The following CEP112 variants were observed in gnomAD, a reference collection of about 807,000 sequenced individuals.
CEP112 encodes the protein centrosomal protein of 112 kDa.
In CEP112, 127 loss-of-function variants were observed where a neutral mutation model predicts 153.0. That is an observed-to-expected ratio of 0.83 (90% CI 0.72 to 0.96). CEP112 has a LOEUF of 0.96. Among genes scored for constraint, CEP112 ranks in the 40% least tolerant of loss-of-function variants. The probability of loss-of-function intolerance (pLI) is 0.00; values close to 1 mark genes in which losing one functional copy is unlikely to be tolerated. For synonymous variants in CEP112, 358 were observed against 374.4 expected, an observed-to-expected ratio of 0.96 and a Z score of 0.51; for missense variants, 1,089 against 1,101.2, an observed-to-expected ratio of 0.99 and a Z score of 0.16.
At chr17:65,765,417 T>C (rs1231831863) in intron 21 of CEP112, among the ~76,000 whole-genome samples, 1 of 152,096 alleles carries the variant, frequency 6.6e-6, no homozygotes, top group African/African-American at 2.4e-5. Context: ...TGCAACAAAG[T>C]GCTCTGGTGT....
At position 65,937,722 on chromosome 17, in the gene CEP112, C is replaced by T. The variant is rs865996069; in HGVS notation, c.1873-10033G>A. Among the ~76,000 whole-genome samples the T allele has an allele frequency of 1.8e-4, 14 of 79,884 alleles. 4 individuals carry two copies. The highest frequency in any genetic ancestry group is 2.5e-4 in the Non-Finnish European group (10 of 39,518). 52.4% of individuals were successfully genotyped at this position (79,884 alleles called of 152,430 possible). A position where few individuals can be genotyped will look rare whatever the true frequency, so the allele number is the denominator to read the frequency against. ...GTGAGGAGCCCCCCGCCCGGCCAGC[C>T]GCCCAGTCTGGGAGGGGGGTGGGGG... On this transcript the variant is annotated intron_variant, in intron 18 of 26. Transcript: ENST00000535342.
intron 4 of CEP112, among the ~76,000 whole-genome samples, chr17:66,168,435 A>G (rs1462697406): frequency 3.4e-5 from 5 of 147,334 alleles, no homozygotes; most frequent in Non-Finnish European, 5.9e-5. Flanking sequence ...ATATATATGT[A>G]TATATATGTG....
At chr17:66,044,320 T>A (rs2145860006) in intron 12 of CEP112, among the ~76,000 whole-genome samples, 1 of 152,104 alleles carries the variant, frequency 6.6e-6, no homozygotes, top group Admixed American at 6.5e-5. Flanking sequence ...ATATATTCAC[T>A]TTGTGAAGAT....
chr17:65,850,080 G>C (rs1233022526), intron 21 of CEP112, among the ~76,000 whole-genome samples: 1 of 150,162 alleles, frequency 6.7e-6, no homozygotes, highest in Non-Finnish European at 1.5e-5. Flanking sequence ...CTTGAACCCA[G>C]GTGCCGGAAG....
At chr17:65,970,613 C>CATATG (rs1462764949) in intron 17 of CEP112, among the ~76,000 whole-genome samples, 1 of 151,938 alleles carries the variant, frequency 6.6e-6, no homozygotes, top group East Asian at 1.9e-4. Flanking sequence ...ATATTGCAGG[C>CATATG]ATATGGAATG....
intron 23 of CEP112, among the ~76,000 whole-genome samples, chr17:65,719,949 GGGC>G (rs1567912170): frequency 6.6e-6 from 1 of 152,192 alleles, no homozygotes. Flanking sequence ...ACAAGCCTGG[GGGC>G]GGGAGCCTGT....
chr17:66,026,589 G>A (rs2065221424), intron 16 of CEP112, among the ~76,000 whole-genome samples: 1 of 152,104 alleles, frequency 6.6e-6, no homozygotes, highest in South Asian at 2.1e-4. Flanking sequence ...ATAATGAGAG[G>A]TTAAGATAAT....
intron 23 of CEP112, among the ~76,000 whole-genome samples, chr17:65,716,026 A>G (rs1228894141): frequency 1.3e-5 from 2 of 152,196 alleles, no homozygotes; most frequent in Non-Finnish European, 2.9e-5. Context: ...AAACAAATCA[A>G]TTTCTTCATT....
At chr17:65,818,850 T>C (rs1031996142) in intron 21 of CEP112, among the ~76,000 whole-genome samples, 7 of 151,850 alleles carry the variant, frequency 4.6e-5, no homozygotes, top group Admixed American at 3.3e-4. Context: ...GGTGTTCAGA[T>C]TGACTTTTAA....
At chr17:65,933,256 A>G (rs2061188159) in intron 18 of CEP112, among the ~76,000 whole-genome samples, 1 of 152,188 alleles carries the variant, frequency 6.6e-6, no homozygotes, top group African/African-American at 2.4e-5. Context: ...ATGCCCCCCA[A>G]AAAAGCATAT....
At chr17:65,957,104 G>A (rs1042255826) in intron 18 of CEP112, among the ~76,000 whole-genome samples, 1 of 152,210 alleles carries the variant, frequency 6.6e-6, no homozygotes, top group Non-Finnish European at 1.5e-5. Flanking sequence ...TTTATTTCTG[G>A]AATTTTCCAT....
intron 4 of CEP112, among the ~76,000 whole-genome samples, chr17:66,155,505 T>C (rs1054827809): frequency 1.4e-4 from 21 of 151,810 alleles, no homozygotes; most frequent in Non-Finnish European, 2.7e-4. Context: ...AGGTTTTTTT[T>C]TTTTCATACC....
chr17:66,172,032 T>G (rs2072264134), intron 4 of CEP112, among the ~76,000 whole-genome samples: 1 of 152,212 alleles, frequency 6.6e-6, no homozygotes, highest in South Asian at 2.1e-4. Context: ...AAAATCCTTT[T>G]AGGCCATTTC....
chr17:65,700,731 T>C (rs1035439310), intron 23 of CEP112, among the ~76,000 whole-genome samples: 4 of 152,088 alleles, frequency 2.6e-5, no homozygotes, highest in African/African-American at 7.2e-5. Flanking sequence ...AGATTTCCAA[T>C]ACAGGATGAA....
At chr17:65,870,112 A>C (rs28707025) in intron 20 of CEP112, among the ~76,000 whole-genome samples, 1 of 146,564 alleles carries the variant, frequency 6.8e-6, no homozygotes, top group South Asian at 2.2e-4. Context: ...ACAAAGAAAA[A>C]AAAGCAATCA....
intron 23 of CEP112, among the ~76,000 whole-genome samples, chr17:65,704,420 T>TAC (rs3074178): frequency 0.14 from 21,073 of 147,656 alleles, 1,546 homozygotes; most frequent in African/African-American, 0.18. Flanking sequence ...ACGTGTAAAA[T>TAC]ACACACACAC....
chr17:65,970,217 ATATACCATGCATATATGCATG>A (rs1241323561), intron 17 of CEP112, among the ~76,000 whole-genome samples: 12 of 114,716 alleles, frequency 1.0e-4, no homozygotes, highest in Non-Finnish European at 1.8e-4. Context: ...TCATGCATGC[ATATACCATGCATATATGCATG>A]TATATTACAT....
chr17:66,008,095 C>A (rs1404591465), intron 16 of CEP112, among the ~76,000 whole-genome samples: 5 of 152,060 alleles, frequency 3.3e-5, no homozygotes, highest in Non-Finnish European at 7.4e-5. Flanking sequence ...AATTATACAT[C>A]TTTGAGGTAT....
At chr17:66,111,624 G>T (rs1309846988) in intron 6 of CEP112, among the ~76,000 whole-genome samples, 5 of 151,996 alleles carry the variant, frequency 3.3e-5, no homozygotes, top group Non-Finnish European at 5.9e-5. Context: ...ACCAAATATT[G>T]TATGTTCTCA....
Sources: gnomAD v4.1 joint callset for allele counts (sites outside exome capture counted in the v4.1 genomes callset) on GRCh38, gnomAD v4.1.1 for gene constraint, MANE v1.5 for transcripts, NCBI Gene and HGNC (gene_info 2026-07-23, HGNC 2026-07-21) for gene names.